Variants in C6orf141 observed in about 807,000 individuals in gnomAD.
The protein encoded by C6orf141 is chromosome 6 open reading frame 141, also known as uncharacterized protein C6orf141.
For missense variants in C6orf141, 361 were observed against 335.8 expected, an observed-to-expected ratio of 1.07 and a Z score of -0.59; for synonymous variants, 164 against 140.5, an observed-to-expected ratio of 1.17 and a Z score of -1.18.
intron 4 of C6orf141, among the ~76,000 whole-genome samples, chr6:49,558,031 A>G (rs1772321430): frequency 6.7e-6 from 1 of 149,438 alleles, no homozygotes; most frequent in East Asian, 2.0e-4. Context: ...AGCTGAGACT[A>G]CAAGTGCATG....
downstream of C6orf141, among the ~76,000 whole-genome samples, chr6:49,554,446 T>G (rs1357404948): frequency 6.6e-6 from 1 of 152,184 alleles, no homozygotes; most frequent in Non-Finnish European, 1.5e-5. Context: ...AGTGGCACGA[T>G]CTCTGCTCAC....
exon 5 of C6orf141, chr6:49,561,884 T>C (rs1773354025): frequency 6.6e-6 from 1 of 151,372 alleles, no homozygotes; most frequent in East Asian, 2.0e-4. Context: ...AACTAAGGAA[T>C]GAAGAAAATA....
In C6orf141 at chr6:49,550,998, G is replaced by C. The variant is rs567532118; in HGVS notation, c.206G>C (p.Arg69Pro). The change falls in exon 1 of 1, where the codon CGG becomes CCG. Residue 69 changes from arginine to proline, a missense_variant. Arg to Pro is a moderately radical substitution (Grantham distance 103). Coordinates refer to ENST00000529246, the MANE Select transcript of C6orf141 (RefSeq NM_001145652.2). ...GGGHEDRTAD[R>P]ALGPRAGEEL... ...GGCCACGAGGACAGAACGGCAGATC[G>C]GGCCCTCGGACCTCGGGCCGGGGAG... 1.9e-6 allele frequency: 3 copies of C among 1,550,944 alleles called. No individual in the cohort carries two copies. Among genetic ancestry groups the C allele is most frequent in the Non-Finnish European group, 2.6e-6 (3 of 1,146,856 alleles).
chr6:49,558,925 T>G (rs2127758), intron 4 of C6orf141, among the ~76,000 whole-genome samples: 27,646 of 151,280 alleles, frequency 0.18, 3,252 homozygotes, highest in Middle Eastern at 0.35. Flanking sequence ...GCCAGGATGG[T>G]CTCGATCTCC....
intron 4 of C6orf141, among the ~76,000 whole-genome samples, chr6:49,558,059 G>GT (rs71002664): frequency 0.011 from 1,119 of 97,718 alleles, 51 homozygotes; most frequent in African/African-American, 0.038. Flanking sequence ...ACTCAAATAT[G>GT]TTTTTTTTTT....
chr6:49,556,406 T>C (rs1771945650), downstream of C6orf141, among the ~76,000 whole-genome samples: 2 of 152,230 alleles, frequency 1.3e-5, no homozygotes, highest in African/African-American at 4.8e-5. Flanking sequence ...AAGAGATCTC[T>C]ATGAAGCTTT....
rs1032672308 is a variant in C6orf141 at position 49,551,530 on chromosome 6, A to T, written c.*3A>T. 1 of 1,549,430 alleles carries T rather than the reference A, an allele frequency of 6.5e-7. No individual in the cohort carries two copies. The highest frequency in any genetic ancestry group is 1.4e-5 in the African/African-American group (1 of 72,880). Reference sequence around the variant, plus strand: ...GGCTCGAGGAAATTAAACTCTAATGAGTAGCTCGAGAAATGTTCCGGGATG... The same window carrying T: ...GGCTCGAGGAAATTAAACTCTAATGTGTAGCTCGAGAAATGTTCCGGGATG... On this transcript the variant is annotated 3_prime_UTR_variant, in exon 1 of 1. Transcript: ENST00000529246.
At chr6:49,561,603 G>A (rs1773323088) in intron 4 of C6orf141, 1 of 152,160 alleles carries the variant, frequency 6.6e-6, no homozygotes, top group Non-Finnish European at 1.5e-5. Flanking sequence ...ATAGCAAAAT[G>A]TATTATTTTT....
intron 4 of C6orf141, among the ~76,000 whole-genome samples, chr6:49,558,070 T>G (rs1001726503): frequency 7.2e-6 from 1 of 138,768 alleles, no homozygotes; most frequent in African/African-American, 2.6e-5. Context: ...TTTTTTTTTT[T>G]TTTTTTTTTT....
chr6:49,554,624 C>T (rs1033120948), downstream of C6orf141, among the ~76,000 whole-genome samples: 8 of 152,108 alleles, frequency 5.3e-5, no homozygotes, highest in Non-Finnish European at 1.0e-4. Flanking sequence ...CCTTGTGATG[C>T]GCCCGCCTCG....
chr6:49,550,720 C>T lies in C6orf141; in HGVS notation c.-73C>T, dbSNP rs1770219757. ...CCGGAGCTGCAGCAGAGGCCACACC[C>T]AGGGCTTGGTGGTCCCGCGCTTTCC... On this transcript the variant is annotated 5_prime_UTR_variant, in exon 1 of 1. Transcript: ENST00000529246. 1 of 1,315,196 alleles carries T rather than the reference C, an allele frequency of 7.6e-7. No individual in the cohort carries two copies. The highest frequency in any genetic ancestry group is 1.5e-5 in the African/African-American group (1 of 65,890). The allele number at this position is 1,315,196 out of a possible 1,614,324, so 81.5% of individuals were successfully genotyped here.
At chr6:49,552,935 T>C (rs1289156281), downstream of C6orf141, 2 of 152,256 alleles carry the variant, frequency 1.3e-5, no homozygotes, top group Non-Finnish European at 2.9e-5. Flanking sequence ...TTTTTCTATT[T>C]TTTTCTTTTT....
chr6:49,556,898 A>G (rs1167610108), downstream of C6orf141, among the ~76,000 whole-genome samples: 1 of 152,246 alleles, frequency 6.6e-6, no homozygotes, highest in Non-Finnish European at 1.5e-5. Context: ...ACAAAACATT[A>G]AGACTTGGTT....
Position 49,551,261 on chromosome 6 carries a change from T to C in C6orf141, c.469T>C (p.Tyr157His). The change falls in exon 1 of 1, where the codon TAC (tyrosine) becomes CAC (histidine). Residue 157 changes from tyrosine (Y) to histidine (H), a missense_variant. Tyr to His is a moderately conservative substitution (Grantham distance 83). Transcript: ENST00000529246. ...PPRDAADPPKYVLVRVEDYQV... is the reference protein window; with the variant it reads ...PPRDAADPPKHVLVRVEDYQV... ...GCGGGACGCAGCAGACCCACCCAAATACGTGCTTGTGCGGGTGGAGGATTA... is the reference window on the plus strand; with the variant it reads ...GCGGGACGCAGCAGACCCACCCAAACACGTGCTTGTGCGGGTGGAGGATTA... 6.4e-7 allele frequency: 1 copy of C among 1,551,624 alleles called. No homozygotes were observed. The highest frequency in any genetic ancestry group is 8.7e-7 in the Non-Finnish European group (1 of 1,146,972).
chr6:49,561,128 T>G (rs986624147), intron 4 of C6orf141, among the ~76,000 whole-genome samples: 1 of 150,204 alleles, frequency 6.7e-6, no homozygotes, highest in Non-Finnish European at 1.5e-5. Flanking sequence ...GACAGAGTCT[T>G]TCTCTGTCGC....
In C6orf141 at chr6:49,551,875, C is replaced by A; in HGVS notation, c.*348C>A. On this transcript the variant is annotated 3_prime_UTR_variant, in exon 1 of 1. Transcript: ENST00000529246. The stretch of plus-strand genomic sequence containing the variant: ...TGTTCCCCGCCCCCCTCTTGTTTCT[C>A]TTTAGGACCTAGAAACAGAAGTGAA... 1 of 1,135,178 alleles carries A rather than the reference C, an allele frequency of 8.8e-7. No homozygotes were observed. The highest frequency in any genetic ancestry group is 2.4e-5 in the South Asian group (1 of 41,382). The allele number at this position is 1,135,178 out of a possible 1,614,324, so 70.3% of individuals were successfully genotyped here.
chr6:49,558,713 T>TTG (rs1364046317), intron 4 of C6orf141, among the ~76,000 whole-genome samples: 7 of 152,104 alleles, frequency 4.6e-5, no homozygotes, highest in Middle Eastern at 3.4e-3. Context: ...CGTATTTTTT[T>TTG]TGGGGGGGGT....
At position 49,550,888 on chromosome 6, in the gene C6orf141, T is replaced by G; in HGVS notation, c.96T>G (p.Phe32Leu). 1 of 1,520,538 alleles carries G rather than the reference T, an allele frequency of 6.6e-7. No homozygotes were observed. The highest frequency in any genetic ancestry group is 8.8e-7 in the Non-Finnish European group (1 of 1,136,660). The allele number at this position is 1,520,538 out of a possible 1,614,324, so 94.2% of individuals were successfully genotyped here. The change falls in exon 1 of 1, where the codon TTT becomes TTG. Residue 32 changes from phenylalanine (F) to leucine (L), a missense_variant. Transcript: ENST00000529246. ...GCAGCCTGGGGGACCTCGGGCCTTT[T>G]CCGCGGGAGGTAGGGCGCGGGGCTC... is the stretch of plus-strand genomic sequence containing the variant. ...SSRSLGDLGP[F>L]PREVGRGAPL...
Position 49,551,596 on chromosome 6 carries a change from G to A in C6orf141, c.*69G>A. Reference sequence around the variant, plus strand: ...TCCTTAAAAGAAAATGCTATTCTGGGAGCTCCAACCTGCAATTAACCTACA... The same window carrying A: ...TCCTTAAAAGAAAATGCTATTCTGGAAGCTCCAACCTGCAATTAACCTACA... On this transcript the variant is annotated 3_prime_UTR_variant, in exon 1 of 1. Coordinates refer to ENST00000529246, the MANE Select transcript of C6orf141 (RefSeq NM_001145652.2). The A allele has an allele frequency of 6.6e-7, 1 of 1,526,110 alleles. No homozygotes were observed. Among genetic ancestry groups the A allele is most frequent in the African/African-American group, 1.4e-5 (1 of 71,442 alleles). 94.5% of individuals were successfully genotyped at this position (1,526,110 alleles called of 1,614,324 possible).
Sources: gnomAD v4.1 joint callset for allele counts (sites outside exome capture counted in the v4.1 genomes callset) on GRCh38, gnomAD v4.1.1 for gene constraint, MANE v1.5 for transcripts, NCBI Gene and HGNC (gene_info 2026-07-23, HGNC 2026-07-21) for gene names.